Variants in CDH12 observed in about 807,000 individuals in gnomAD.
CDH12 encodes cadherin-12.
A neutral mutation model predicts 74.1 loss-of-function variants in CDH12; 41 were observed. The ratio of observed to expected loss-of-function variants is 0.55; its 90% confidence interval spans 0.43 to 0.72. The LOEUF is 0.72. Ranked by LOEUF, CDH12 falls within the 30% of genes least tolerant of loss-of-function variation. The pLI, the probability that CDH12 is intolerant of heterozygous loss-of-function variation, is 0.00. For synonymous variants in CDH12, 399 were observed against 355.0 expected (o/e 1.12, Z -1.39); for missense variants, 945 against 977.2 (o/e 0.97, Z 0.44).
At chr5:22,445,693 TAAGTGAATGGCAGGA>T (rs1316941590) in intron 2 of CDH12, among the ~76,000 whole-genome samples, 11 of 152,102 alleles carry the variant, frequency 7.2e-5, no homozygotes, top group Non-Finnish European at 1.5e-4. Flanking sequence ...GGAGAGAGAA[TAAGTGAATGGCAGGA>T]AAGTTTTCCT....
Position 22,502,651 on chromosome 5 carries a change from C to T in CDH12, c.-428+2619G>A, listed in dbSNP as rs553425852. On this transcript the variant is annotated intron_variant, in intron 2 of 14. Coordinates refer to ENST00000382254, the MANE Select transcript of CDH12 (RefSeq NM_004061.5). ...GCAGTCATCTTTACACACACACACA[C>T]GCACACACAGACACACACACACAAA... is the stretch of plus-strand genomic sequence containing the variant. Among the ~76,000 whole-genome samples the T allele has an allele frequency of 8.5e-3, 1,194 of 139,956 alleles. 14 individuals are homozygous for T. Among genetic ancestry groups the T allele is most frequent in the African/African-American group, 0.028 (1,135 of 40,070 alleles). The allele number at this position is 139,956 out of a possible 152,430, so 91.8% of individuals were successfully genotyped here. A position where few individuals can be genotyped will look rare whatever the true frequency, so the allele number is the denominator to read the frequency against.
chr5:21,773,688 A>G (rs1174536213), intron 11 of CDH12, among the ~76,000 whole-genome samples: 2 of 152,126 alleles, frequency 1.3e-5, no homozygotes, highest in Non-Finnish European at 2.9e-5. Flanking sequence ...TGAATCAATT[A>G]TCTTAATAAA....
At chr5:21,912,084 G>C (rs1445552077) in intron 6 of CDH12, among the ~76,000 whole-genome samples, 1 of 152,070 alleles carries the variant, frequency 6.6e-6, no homozygotes, top group Non-Finnish European at 1.5e-5. Flanking sequence ...AAGAGAAAAA[G>C]AGAGAAAGAC....
At chr5:22,144,804 A>G (rs546212115) in intron 4 of CDH12, among the ~76,000 whole-genome samples, 2 of 152,190 alleles carry the variant, frequency 1.3e-5, no homozygotes, top group South Asian at 2.1e-4. Context: ...AAAAATTCAA[A>G]CCGTATGTAT....
chr5:21,817,013 C>T lies in CDH12; in HGVS notation c.934G>A (p.Asp312Asn), dbSNP rs757175486. The T allele has an allele frequency of 3.1e-6, 5 of 1,612,824 alleles. No homozygotes were observed. In the Admixed American group the frequency reaches 6.7e-5, roughly 22 times the overall value. ...AEIEYNIVPG[D>N]GGNLFDIVTD... ...ACGATGTCAAACAAATTTCCCCCAT[C>T]TCCTGGAACAATATTGTATTCAATT... Residue 312 changes from aspartate to asparagine, a missense_variant, in exon 9 of 15, where the codon GAT (aspartate) becomes AAT (asparagine). Asp to Asn is a conservative substitution (Grantham distance 23). Transcript: ENST00000382254.
chr5:22,731,342 T>C (rs554919995), intron 1 of CDH12, among the ~76,000 whole-genome samples: 9 of 151,840 alleles, frequency 5.9e-5, no homozygotes, highest in Non-Finnish European at 1.0e-4. Flanking sequence ...TAACTATGGA[T>C]GTTATGGATT....
chr5:21,888,746 G>A (rs541567784), intron 6 of CDH12, among the ~76,000 whole-genome samples: 20 of 151,876 alleles, frequency 1.3e-4, no homozygotes, highest in African/African-American at 4.6e-4. Flanking sequence ...ATACTATATT[G>A]TAACCTGCTT....
intron 2 of CDH12, among the ~76,000 whole-genome samples, chr5:22,500,115 A>G (rs994649077): frequency 3.3e-5 from 5 of 152,132 alleles, no homozygotes; most frequent in African/African-American, 1.2e-4. Context: ...AATACTGGGG[A>G]AATTAACAGA....
chr5:22,232,538 A>G (rs73742070), intron 3 of CDH12, among the ~76,000 whole-genome samples: 275 of 151,980 alleles, frequency 1.8e-3, no homozygotes, highest in African/African-American at 6.3e-3. Flanking sequence ...TGGTGTCAAA[A>G]GAGTAGTTAT....
At chr5:22,761,444 C>A (rs909093112) in intron 1 of CDH12, among the ~76,000 whole-genome samples, 1 of 152,164 alleles carries the variant, frequency 6.6e-6, no homozygotes, top group East Asian at 1.9e-4. Flanking sequence ...ACGGTGTGCC[C>A]CCCAGGAGTT....
intron 5 of CDH12, among the ~76,000 whole-genome samples, chr5:22,009,305 T>A (rs1401656854): frequency 2.0e-5 from 3 of 152,158 alleles, no homozygotes; most frequent in Non-Finnish European, 4.4e-5. Flanking sequence ...GGACTCACCA[T>A]CTCTCTGGCC....
rs535923942 is a variant in CDH12 at position 22,696,219 on chromosome 5, A to T, written c.-523+156839T>A. Among the ~76,000 whole-genome samples the T allele has an allele frequency of 8.4e-4, 128 of 152,032 alleles. 1 individual carries two copies. The highest frequency in any genetic ancestry group is 2.8e-3 in the African/African-American group (116 of 41,450). On this transcript the variant is annotated intron_variant, in intron 1 of 14. Coordinates refer to ENST00000382254, the MANE Select transcript of CDH12 (RefSeq NM_004061.5). ...CACGTCTCTACTGAAAAATACAAAA[A>T]AATTAGCCGGGCGTGGTGGCGGGCA...
At chr5:22,688,313 A>G (rs1213379850) in intron 1 of CDH12, among the ~76,000 whole-genome samples, 1 of 152,228 alleles carries the variant, frequency 6.6e-6, no homozygotes, top group Non-Finnish European at 1.5e-5. Context: ...TAAACATATA[A>G]TTATTTTAAC....
intron 5 of CDH12, among the ~76,000 whole-genome samples, chr5:22,032,275 A>C (rs1738870208): frequency 6.6e-6 from 1 of 152,142 alleles, no homozygotes. Flanking sequence ...TATAACCTAA[A>C]GAAATGAAAG....
chr5:22,738,269 T>C (rs1744845169), intron 1 of CDH12, among the ~76,000 whole-genome samples: 1 of 152,028 alleles, frequency 6.6e-6, no homozygotes, highest in African/African-American at 2.4e-5. Context: ...ATGGTAATGG[T>C]CTAATTTTAC....
intron 3 of CDH12, among the ~76,000 whole-genome samples, chr5:22,237,189 C>T (rs1284173202): frequency 6.6e-6 from 1 of 152,102 alleles, no homozygotes; most frequent in Non-Finnish European, 1.5e-5. Context: ...TCGAATTTTT[C>T]AGTTCCATTA....
chr5:21,827,437 A>C (rs11741054), intron 8 of CDH12, among the ~76,000 whole-genome samples: 1 of 151,728 alleles, frequency 6.6e-6, no homozygotes, highest in Non-Finnish European at 1.5e-5. Flanking sequence ...AGAAGAGGAT[A>C]GGGCACTAAA....
intron 3 of CDH12, among the ~76,000 whole-genome samples, chr5:22,363,896 G>C (rs901024906): frequency 2.0e-5 from 3 of 152,192 alleles, no homozygotes; most frequent in African/African-American, 7.2e-5. Flanking sequence ...AGATTTCTTA[G>C]TAACGTGATA....
At chr5:21,782,966 G>A (rs1319897323) in intron 11 of CDH12, among the ~76,000 whole-genome samples, 2 of 152,104 alleles carry the variant, frequency 1.3e-5, no homozygotes, top group Non-Finnish European at 2.9e-5. Context: ...TCTCTTTGAT[G>A]TCAGAAAATA....
Sources: allele counts gnomAD v4.1 joint callset (sites outside exome capture counted in the v4.1 genomes callset), GRCh38; gene constraint gnomAD v4.1.1; transcripts MANE v1.5; gene names NCBI Gene and HGNC (gene_info 2026-07-23, HGNC 2026-07-21).